STAM: variants seen among roughly 807,000 people sequenced by gnomAD.
STAM encodes signal transducing adapter molecule 1.
A neutral mutation model predicts 63.4 loss-of-function variants in STAM; 16 were observed. That is an observed-to-expected ratio of 0.25 (90% CI 0.17 to 0.38). The LOEUF is 0.38. STAM is among the 10% of genes least tolerant of loss of function. STAM has a pLI of 1.00. For synonymous variants in STAM, 238 were observed against 223.9 expected, an observed-to-expected ratio of 1.06 and a Z score of -0.56; for missense variants, 636 against 657.1, an observed-to-expected ratio of 0.97 and a Z score of 0.35.
chr10:17,660,644 G>A lies in STAM; in HGVS notation c.125+96G>A, dbSNP rs1834130275. On this transcript the variant is annotated intron_variant, in intron 2 of 13. Coordinates refer to ENST00000377524, the MANE Select transcript of STAM (RefSeq NM_003473.4). ...CTTGCACCTGTAGGCCCAGCCCCTC[G>A]GTAGGATGAGGTGGGAGGATCGCTT... The A allele has an allele frequency of 2.0e-5, 16 of 808,360 alleles. No homozygotes were observed. The South Asian group carries it at 2.0e-4, about 10-fold the overall frequency. The allele number at this position is 808,360 out of a possible 1,614,324, so 50.1% of individuals were successfully genotyped here. A position where few individuals can be genotyped will look rare whatever the true frequency, so the allele number is the denominator to read the frequency against.
intron 8 of STAM, among the ~76,000 whole-genome samples, chr10:17,698,494 C>G (rs74118015): frequency 0.015 from 2,337 of 151,266 alleles, 52 homozygotes; most frequent in African/African-American, 0.054. Flanking sequence ...GTTTTTCACT[C>G]TGGACGATCT....
intron 1 of STAM, among the ~76,000 whole-genome samples, chr10:17,645,939 A>C (rs1554820784): frequency 6.6e-6 from 1 of 152,182 alleles, no homozygotes; most frequent in Non-Finnish European, 1.5e-5. Flanking sequence ...GCTAGCAACT[A>C]CCCAATCACC....
intron 2 of STAM, among the ~76,000 whole-genome samples, chr10:17,666,359 T>C (rs902843067): frequency 6.6e-6 from 1 of 151,796 alleles, no homozygotes; most frequent in Non-Finnish European, 1.5e-5. Flanking sequence ...GGAAGGAGTT[T>C]GTTAAAAATG....
At chr10:17,707,585 T>C (rs568263370) in intron 12 of STAM, among the ~76,000 whole-genome samples, 2 of 152,212 alleles carry the variant, frequency 1.3e-5, no homozygotes, top group East Asian at 3.9e-4. Flanking sequence ...GCACCTGCTT[T>C]AGAGTCTTGA....
At chr10:17,688,825 T>C (rs1449676273) in intron 5 of STAM, among the ~76,000 whole-genome samples, 3 of 152,180 alleles carry the variant, frequency 2.0e-5, no homozygotes, top group African/African-American at 7.2e-5. Flanking sequence ...TCTTTTTAAA[T>C]GCTCTTAATG....
At chr10:17,691,294 G>C (rs1288843806) in intron 5 of STAM, among the ~76,000 whole-genome samples, 1 of 152,252 alleles carries the variant, frequency 6.6e-6, no homozygotes, top group East Asian at 1.9e-4. Flanking sequence ...CGAGGCGGGT[G>C]GGTCACGAGG....
chr10:17,648,071 ATTC>A (rs1204849278), intron 1 of STAM, among the ~76,000 whole-genome samples: 2 of 152,146 alleles, frequency 1.3e-5, no homozygotes, highest in African/African-American at 2.4e-5. Flanking sequence ...AGTATCACTG[ATTC>A]TTCTTATTTC....
chr10:17,676,185 A>T (rs1834847509), intron 2 of STAM, among the ~76,000 whole-genome samples: 2 of 152,164 alleles, frequency 1.3e-5, no homozygotes, highest in Admixed American at 6.5e-5. Flanking sequence ...TTGATTAAGG[A>T]AGGTTCACGA....
intron 7 of STAM, among the ~76,000 whole-genome samples, chr10:17,696,411 G>A (rs1383874491): frequency 6.6e-6 from 1 of 152,098 alleles, no homozygotes; most frequent in Non-Finnish European, 1.5e-5. Flanking sequence ...CAATGATTTA[G>A]GAATGGAGAC....
intron 12 of STAM, among the ~76,000 whole-genome samples, chr10:17,707,588 A>G (rs1478765571): frequency 6.6e-6 from 1 of 152,118 alleles, no homozygotes; most frequent in African/African-American, 2.4e-5. Context: ...CCTGCTTTAG[A>G]GTCTTGATCA....
chr10:17,656,861 G>A (rs1473395709), intron 1 of STAM, among the ~76,000 whole-genome samples: 3 of 152,176 alleles, frequency 2.0e-5, no homozygotes, highest in Non-Finnish European at 4.4e-5. Context: ...AAGTGCCCTT[G>A]GAAGAAATCC....
chr10:17,702,582 T>G (rs1554828633), intron 9 of STAM, among the ~76,000 whole-genome samples: 1 of 152,064 alleles, frequency 6.6e-6, no homozygotes. Context: ...TGTGAAGGGG[T>G]TTATGGGCTT....
intron 2 of STAM, among the ~76,000 whole-genome samples, chr10:17,676,077 A>G (rs1426338895): frequency 5.9e-5 from 9 of 152,204 alleles, no homozygotes; most frequent in African/African-American, 2.2e-4. Context: ...TAAGAGCTTC[A>G]AGTTCTGCAG....
Position 17,684,677 on chromosome 10 carries a change from C to T in STAM, c.128C>T (p.Pro43Leu). 1.9e-6 allele frequency: 3 copies of T among 1,610,968 alleles called. No homozygotes were observed. The highest frequency in any genetic ancestry group is 2.5e-6 in the Non-Finnish European group (3 of 1,178,918). The change falls in exon 3 of 14, where the codon CCT becomes CTT. Residue 43 changes from proline to leucine, a missense_variant and splice_region_variant. Coordinates refer to ENST00000377524, the MANE Select transcript of STAM (RefSeq NM_003473.4). ...TTTTACTTTTCTCATTTTTTTAGAC[C>T]TAAGGATTGTCTTCGGTCTATTATG... ...CDKVGQSRTG[P>L]KDCLRSIMRR...
At chr10:17,659,485 T>TTTTTTTA (rs1437638833) in intron 1 of STAM, among the ~76,000 whole-genome samples, 1 of 147,304 alleles carries the variant, frequency 6.8e-6, no homozygotes, top group Non-Finnish European at 1.5e-5. Flanking sequence ...TTTTTTTTTT[T>TTTTTTTA]AAAGAGATAG....
At chr10:17,707,993 C>G (rs1554829542) in intron 12 of STAM, among the ~76,000 whole-genome samples, 1 of 152,004 alleles carries the variant, frequency 6.6e-6, no homozygotes, top group East Asian at 1.9e-4. Flanking sequence ...TGGGTTCAGG[C>G]CATTCTCCTG....
At chr10:17,678,745 T>G (rs1377445026) in intron 2 of STAM, among the ~76,000 whole-genome samples, 1 of 152,184 alleles carries the variant, frequency 6.6e-6, no homozygotes, top group Non-Finnish European at 1.5e-5. Flanking sequence ...TTTTTCATCA[T>G]CCCACGTAGA....
intron 2 of STAM, among the ~76,000 whole-genome samples, chr10:17,667,836 T>C (rs1834458909): frequency 6.6e-6 from 1 of 152,236 alleles, no homozygotes; most frequent in South Asian, 2.1e-4. Context: ...GAATGCTGAA[T>C]GCTACAAGGT....
At chr10:17,662,466 A>G (rs1211861165) in intron 2 of STAM, among the ~76,000 whole-genome samples, 2 of 152,168 alleles carry the variant, frequency 1.3e-5, no homozygotes, top group Non-Finnish European at 2.9e-5. Context: ...TATCAAAACT[A>G]TTCTTATTTG....
Sources: gnomAD v4.1 joint callset for allele counts (sites outside exome capture counted in the v4.1 genomes callset) on GRCh38, gnomAD v4.1.1 for gene constraint, MANE v1.5 for transcripts, NCBI Gene and HGNC (gene_info 2026-07-23, HGNC 2026-07-21) for gene names.